The following TOLLIP variants were observed in gnomAD, a reference collection of about 807,000 sequenced individuals.
TOLLIP encodes the protein toll interacting protein, also known as toll-interacting protein.
A neutral mutation model predicts 33.5 loss-of-function variants in TOLLIP; 16 were observed. The ratio of observed to expected loss-of-function variants is 0.48; its 90% confidence interval spans 0.32 to 0.72. The LOEUF (loss-of-function observed/expected upper bound fraction) is 0.72, where lower values mean the gene tolerates loss of function less well. TOLLIP is among the 30% of genes least tolerant of loss of function. TOLLIP has a pLI of 0.03. For synonymous variants in TOLLIP, 176 were observed against 163.7 expected (o/e 1.07, Z -0.57); for missense variants, 325 against 396.6 (o/e 0.82, Z 1.53).
At chr11:1,289,054 C>T (rs1052694916) in intron 3 of TOLLIP, among the ~76,000 whole-genome samples, 2 of 152,220 alleles carry the variant, frequency 1.3e-5, no homozygotes, top group African/African-American at 4.8e-5. Context: ...CCCTGGGCTG[C>T]TGTCCTCCTT....
intron 4 of TOLLIP, among the ~76,000 whole-genome samples, chr11:1,286,383 G>A (rs1179492456): frequency 6.6e-6 from 1 of 152,224 alleles, no homozygotes. Context: ...GGACATCCCA[G>A]TGTAGGTGTC....
rs1398658153 is a variant in TOLLIP at position 1,290,325 on chromosome 11, T to C, written c.268A>G (p.Thr90Ala). The C allele has an allele frequency of 2.5e-6, 4 of 1,613,520 alleles. No individual in the cohort carries two copies. Among genetic ancestry groups the C allele is most frequent in the Non-Finnish European group, 3.4e-6 (4 of 1,179,996 alleles). ...GGATTCTTGGCGCCATTGTGTGCCGTGGGCGTCTCGTACACCGCGTAGCCC... is the reference window on the plus strand; with the variant it reads ...GGATTCTTGGCGCCATTGTGTGCCGCGGGCGTCTCGTACACCGCGTAGCCC... ...RLGYAVYETP[T>A]AHNGAKNPRW... The change falls in exon 3 of 6, where the codon ACG (threonine) becomes GCG (alanine). Residue 90 changes from threonine (T) to alanine (A), a missense_variant. By Grantham distance (58) the Thr-to-Ala change is moderately conservative. Coordinates refer to ENST00000317204, the MANE Select transcript of TOLLIP (RefSeq NM_019009.4). The surrounding 1 kb of genome is among the most constrained non-coding windows in gnomAD (Gnocchi z 4.9).
At chr11:1,281,544 G>A (rs1042372466) in intron 5 of TOLLIP, among the ~76,000 whole-genome samples, 4 of 152,182 alleles carry the variant, frequency 2.6e-5, no homozygotes, top group Admixed American at 6.5e-5. Flanking sequence ...CACCCTGTGC[G>A]GGGGTCTCTG....
Position 1,290,445 on chromosome 11 carries a change from A to C in TOLLIP, c.184-36T>G. 2 of 1,601,892 alleles carry C rather than the reference A, an allele frequency of 1.2e-6. No individual in the cohort carries two copies. The highest frequency in any genetic ancestry group is 3.3e-5 in the Admixed American group (2 of 59,816). On this transcript the variant is annotated intron_variant, in intron 2 of 5. Transcript: ENST00000317204. The surrounding 1 kb of genome is among the most constrained non-coding windows in gnomAD (Gnocchi z 4.9). The stretch of plus-strand genomic sequence containing the variant: ...GCCAATGTCAGGAAAAGGAGGTGCC[A>C]ACCATCAGGAGAGGGTGGGTTCTCT...
intron 5 of TOLLIP, among the ~76,000 whole-genome samples, chr11:1,281,669 A>C (rs950104110): frequency 6.6e-6 from 1 of 152,196 alleles, no homozygotes; most frequent in African/African-American, 2.4e-5. Context: ...GCCCCGTCTC[A>C]CCAGAGGGCT....
intron 2 of TOLLIP, among the ~76,000 whole-genome samples, chr11:1,294,478 C>T (rs1180587431): frequency 2.2e-3 from 149 of 66,536 alleles, no homozygotes; most frequent in Middle Eastern, 9.3e-3. Flanking sequence ...TACGAAAGCC[C>T]GCGTGGCTCA....
rs753947060 is a variant in TOLLIP, at chr11:1,277,282, A to C, written c.611-29T>G. ...GAAGCAAAGATCAAGTTTGGTAAAAACGTCGGAAAGTTCCAGAAGTGCCAC... is the reference window on the plus strand; with the variant it reads ...GAAGCAAAGATCAAGTTTGGTAAAACCGTCGGAAAGTTCCAGAAGTGCCAC... On this transcript the variant is annotated intron_variant, in intron 5 of 5. Coordinates refer to ENST00000317204, the MANE Select transcript of TOLLIP (RefSeq NM_019009.4). The surrounding 1 kb of genome is among the most constrained non-coding windows in gnomAD (Gnocchi z 4.2). 3 of 1,508,954 alleles carry C rather than the reference A, an allele frequency of 2.0e-6. No homozygotes were observed. Among genetic ancestry groups the C allele is most frequent in the Non-Finnish European group, 2.7e-6 (3 of 1,123,878 alleles). 93.5% of individuals were successfully genotyped at this position (1,508,954 alleles called of 1,614,324 possible).
chr11:1,277,545 T>A lies in TOLLIP; in HGVS notation c.611-292A>T, dbSNP rs1369970368. ...TTTGATCTTTCAAATCTCACCCGAG[T>A]CTGTTTTATAACTAGCAGGCTGGGG... On this transcript the variant is annotated intron_variant, in intron 5 of 5. Transcript: ENST00000317204. The surrounding 1 kb of genome is among the most constrained non-coding windows in gnomAD (Gnocchi z 4.2). Among the ~76,000 whole-genome samples the A allele has an allele frequency of 1.3e-5, 2 of 152,222 alleles. No homozygotes were observed. The highest frequency in any genetic ancestry group is 3.9e-4 in the East Asian group (2 of 5,180).
intron 4 of TOLLIP, among the ~76,000 whole-genome samples, chr11:1,287,199 G>A (rs1463222207): frequency 1.3e-5 from 2 of 152,196 alleles, no homozygotes; most frequent in South Asian, 2.1e-4. Flanking sequence ...CTCTGAGTTC[G>A]AAACTGTCAA....
In TOLLIP at chr11:1,281,333, C is replaced by T. The variant is rs530923286; in HGVS notation, c.611-4080G>A. ...TGTGAAGGAGATGGTCTGACCTCAG[C>T]GCCCCGGCTTCTGAGTTGCTTTGTG... On this transcript the variant is annotated intron_variant, in intron 5 of 5. Coordinates refer to ENST00000317204, the MANE Select transcript of TOLLIP (RefSeq NM_019009.4). Among the ~76,000 whole-genome samples, 10 of 152,296 alleles carry T rather than the reference C, an allele frequency of 6.6e-5. No homozygotes were observed. The South Asian group carries it at 8.3e-4, about 13-fold the overall frequency.
intron 3 of TOLLIP, 148 bp from the exon 4 acceptor site, chr11:1,288,924 C>T: frequency 1.2e-6 from 1 of 834,294 alleles, no homozygotes; most frequent in Admixed American, 2.9e-5. Context: ...GATGAGACCC[C>T]TCGGGCAGCG....
At chr11:1,280,534 G>A (rs868063782) in intron 5 of TOLLIP, among the ~76,000 whole-genome samples, 2 of 152,036 alleles carry the variant, frequency 1.3e-5, no homozygotes, top group African/African-American at 2.4e-5. Flanking sequence ...AAAGAGAGAA[G>A]CACTCCAGGC....
At chr11:1,286,678 C>T (rs1232071961) in intron 4 of TOLLIP, among the ~76,000 whole-genome samples, 3 of 152,016 alleles carry the variant, frequency 2.0e-5, no homozygotes, top group African/African-American at 7.3e-5. Flanking sequence ...CACTGCACCG[C>T]TGTCATCTCT....
chr11:1,305,439 C>T (rs986773452), intron 1 of TOLLIP, among the ~76,000 whole-genome samples: 1 of 152,214 alleles, frequency 6.6e-6, no homozygotes, highest in African/African-American at 2.4e-5. Flanking sequence ...AGCCCACACA[C>T]ATCTACAAAG....
At chr11:1,299,374 G>A (rs936084910) in intron 1 of TOLLIP, among the ~76,000 whole-genome samples, 4 of 152,178 alleles carry the variant, frequency 2.6e-5, no homozygotes, top group African/African-American at 9.7e-5. Flanking sequence ...CCCTTCAAAC[G>A]AGGAGGGAGT....
rs985951388 is a variant in TOLLIP at position 1,276,571 on chromosome 11, G to A, written c.*468C>T. 2.1e-6 allele frequency: 2 copies of A among 957,024 alleles called. No homozygotes were observed. Among genetic ancestry groups the A allele is most frequent in the African/African-American group, 1.7e-5 (1 of 59,094 alleles). The allele number at this position is 957,024 out of a possible 1,614,324, so 59.3% of individuals were successfully genotyped here. A position where few individuals can be genotyped will look rare whatever the true frequency, so the allele number is the denominator to read the frequency against. ...CTCACAGCAAAGCGCGTTAGGGCAAGGGCGTGAGTTTTCGTCTGGGAAGTT... is the reference window on the plus strand; with the variant it reads ...CTCACAGCAAAGCGCGTTAGGGCAAAGGCGTGAGTTTTCGTCTGGGAAGTT... On this transcript the variant is annotated 3_prime_UTR_variant, in exon 6 of 6. Transcript: ENST00000317204.
intron 5 of TOLLIP, among the ~76,000 whole-genome samples, chr11:1,280,307 G>A (rs933579039): frequency 2.0e-5 from 3 of 152,234 alleles, no homozygotes; most frequent in African/African-American, 4.8e-5. Context: ...GGCTGCTCCC[G>A]TGCATGGTGC....
intron 2 of TOLLIP, chr11:1,295,350 G>T (rs1205191112): frequency 6.9e-6 from 2 of 288,542 alleles, no homozygotes; most frequent in Non-Finnish European, 1.3e-5. Flanking sequence ...GCCGGCGGGG[G>T]TCCGGGAGGT....
rs1489186894 is a variant in TOLLIP at position 1,277,359 on chromosome 11, G to A, written c.611-106C>T. The A allele has an allele frequency of 1.1e-6, 1 of 942,034 alleles. No homozygotes were observed. The highest frequency in any genetic ancestry group is 1.7e-5 in the African/African-American group (1 of 60,094). 58.4% of individuals were successfully genotyped at this position (942,034 alleles called of 1,614,324 possible). The stretch of plus-strand genomic sequence containing the variant: ...AACGCATCCCACCGGCCTCCCTGAG[G>A]AAGGGGCCACCTCGGGTCTCAGCAA... On this transcript the variant is annotated intron_variant, in intron 5 of 5. Coordinates refer to ENST00000317204, the MANE Select transcript of TOLLIP (RefSeq NM_019009.4). The surrounding 1 kb of genome is among the most constrained non-coding windows in gnomAD (Gnocchi z 4.2).
Sources: gnomAD v4.1 joint callset for allele counts (sites outside exome capture counted in the v4.1 genomes callset) on GRCh38, gnomAD v4.1.1 for gene constraint, Gnocchi (gnomAD v3.1) non-coding constraint, MANE v1.5 for transcripts, NCBI Gene and HGNC (gene_info 2026-07-23, HGNC 2026-07-21) for gene names.